The following RSRC1 variants were observed in gnomAD, a reference collection of about 807,000 sequenced individuals.
RSRC1 encodes the protein arginine and serine rich coiled-coil 1.
A neutral mutation model predicts 49.1 loss-of-function variants in RSRC1; 39 were observed. The observed-to-expected ratio is 0.79, with a 90% confidence interval of 0.61 to 1.04. RSRC1 has a LOEUF of 1.04. Among genes scored for constraint, RSRC1 ranks in the 50% least tolerant of loss-of-function variants. The pLI, the probability that RSRC1 is intolerant of heterozygous loss-of-function variation, is 0.00. For missense variants in RSRC1, 388 were observed against 402.4 expected (o/e 0.96, Z 0.31); for synonymous variants, 143 against 130.8 (o/e 1.09, Z -0.63).
At chr3:158,417,322 A>G (rs959886697) in intron 6 of RSRC1, among the ~76,000 whole-genome samples, 3 of 152,064 alleles carry the variant, frequency 2.0e-5, no homozygotes, top group South Asian at 2.1e-4. Context: ...GCTATCATCA[A>G]TCTGCTTTTC....
chr3:158,397,514 A>G (rs961149936), intron 6 of RSRC1, among the ~76,000 whole-genome samples: 2 of 152,128 alleles, frequency 1.3e-5, no homozygotes, highest in Admixed American at 1.3e-4. Flanking sequence ...AATTTAAATG[A>G]CCCAGCATTT....
chr3:158,411,510 C>CTTTT (rs57004919), intron 6 of RSRC1, among the ~76,000 whole-genome samples: 1 of 149,498 alleles, frequency 6.7e-6, no homozygotes. Flanking sequence ...TCTACTTTCT[C>CTTTT]TTTTTTTTTT....
At chr3:158,160,946 T>TA (rs1243675323) in intron 3 of RSRC1, among the ~76,000 whole-genome samples, 1 of 152,152 alleles carries the variant, frequency 6.6e-6, no homozygotes, top group East Asian at 1.9e-4. Context: ...CTCTTACTTA[T>TA]ATGGCTAGAG....
chr3:158,514,014 T>A (rs552937940), intron 7 of RSRC1, among the ~76,000 whole-genome samples: 3 of 152,328 alleles, frequency 2.0e-5, no homozygotes, highest in Admixed American at 6.5e-5. Context: ...TCTTTTTTTC[T>A]TTATTAGTCT....
chr3:158,473,390 A>G (rs1471123480), intron 7 of RSRC1, among the ~76,000 whole-genome samples: 1 of 152,150 alleles, frequency 6.6e-6, no homozygotes, highest in Non-Finnish European at 1.5e-5. Flanking sequence ...GGAAACCATC[A>G]TTCTCAGCAA....
Position 158,169,804 on chromosome 3 carries a change from G to A in RSRC1, c.321-33268G>A, listed in dbSNP as rs180748105. Among the ~76,000 whole-genome samples the A allele has an allele frequency of 4.6e-5, 7 of 152,148 alleles. No individual in the cohort carries two copies. In the East Asian group the frequency reaches 9.7e-4, roughly 21 times the overall value. ...TAACCCTCTCTGGGTTGACTGTTAC[G>A]ATATATGTCTCTGTACTACAGTGGC... On this transcript the variant is annotated intron_variant, in intron 3 of 9. Coordinates refer to ENST00000611884, the MANE Select transcript of RSRC1 (RefSeq NM_001271838.2).
At chr3:158,494,588 A>G (rs908786568) in intron 7 of RSRC1, among the ~76,000 whole-genome samples, 2 of 152,228 alleles carry the variant, frequency 1.3e-5, no homozygotes, top group Admixed American at 1.3e-4. Context: ...AAATTTTAAA[A>G]CTTTTTAGCT....
intron 7 of RSRC1, chr3:158,469,427 A>G (rs903331357): frequency 4.6e-6 from 2 of 434,456 alleles, no homozygotes; most frequent in African/African-American, 4.1e-5. Flanking sequence ...TGTCTGTGGA[A>G]TCAGAAGCTG....
At chr3:158,331,137 T>G (rs528283943) in intron 5 of RSRC1, among the ~76,000 whole-genome samples, 1 of 152,344 alleles carries the variant, frequency 6.6e-6, no homozygotes, top group African/African-American at 2.4e-5. Context: ...TTGGGAATTA[T>G]GAGAGCTACA....
intron 6 of RSRC1, among the ~76,000 whole-genome samples, chr3:158,432,449 A>G (rs913802847): frequency 6.6e-6 from 1 of 151,830 alleles, no homozygotes; most frequent in Non-Finnish European, 1.5e-5. Flanking sequence ...TTATCTGTCG[A>G]TTTTTACCTT....
chr3:158,467,388 A>C (rs1271902251), intron 7 of RSRC1, among the ~76,000 whole-genome samples: 2 of 152,226 alleles, frequency 1.3e-5, no homozygotes, highest in African/African-American at 4.8e-5. Flanking sequence ...GACCTTAGGT[A>C]GTCCCTTTGA....
chr3:158,519,326 G>A (rs574642062), intron 7 of RSRC1, among the ~76,000 whole-genome samples: 8 of 151,848 alleles, frequency 5.3e-5, no homozygotes, highest in Non-Finnish European at 7.4e-5. Flanking sequence ...AGTGACCAGC[G>A]GTTTCTCTAC....
At chr3:158,241,301 A>T (rs1415246769) in intron 4 of RSRC1, among the ~76,000 whole-genome samples, 1 of 151,658 alleles carries the variant, frequency 6.6e-6, no homozygotes, top group Non-Finnish European at 1.5e-5. Context: ...TACAAAAAAA[A>T]AGCTGGACAT....
intron 7 of RSRC1, among the ~76,000 whole-genome samples, chr3:158,480,434 C>G (rs899013951): frequency 2.0e-5 from 3 of 151,746 alleles, no homozygotes; most frequent in African/African-American, 7.3e-5. Context: ...ACAGATCTTT[C>G]ATATATTGAA....
intron 6 of RSRC1, among the ~76,000 whole-genome samples, chr3:158,355,754 T>A (rs913552573): frequency 2.0e-5 from 3 of 151,806 alleles, no homozygotes; most frequent in Non-Finnish European, 2.9e-5. Flanking sequence ...ATTCAAACAA[T>A]AAGTTTTAAT....
chr3:158,357,042 T>G (rs979050011), intron 6 of RSRC1, among the ~76,000 whole-genome samples: 1 of 152,164 alleles, frequency 6.6e-6, no homozygotes, highest in African/African-American at 2.4e-5. Context: ...ATTTTCAAGT[T>G]AAAAAATTTA....
intron 5 of RSRC1, among the ~76,000 whole-genome samples, chr3:158,317,332 G>A (rs1413742169): frequency 1.3e-5 from 2 of 151,828 alleles, no homozygotes. Context: ...GGGCTCAAGC[G>A]ATCCTCCTAC....
intron 4 of RSRC1, among the ~76,000 whole-genome samples, chr3:158,241,538 AT>A (rs144276731): frequency 2.0e-5 from 3 of 149,226 alleles, no homozygotes; most frequent in East Asian, 1.9e-4. Flanking sequence ...AGTGTAGACT[AT>A]TTTTTTTTTC....
chr3:158,179,831 G>A (rs187716691), intron 3 of RSRC1, among the ~76,000 whole-genome samples: 439 of 152,164 alleles, frequency 2.9e-3, no homozygotes, highest in African/African-American at 0.01. Flanking sequence ...CAGATTTGCT[G>A]TATTGTTTTA....
Sources: allele counts gnomAD v4.1 joint callset (sites outside exome capture counted in the v4.1 genomes callset), GRCh38; gene constraint gnomAD v4.1.1; transcripts MANE v1.5; gene names NCBI Gene and HGNC (gene_info 2026-07-23, HGNC 2026-07-21).